The following VPS8 variants were observed in gnomAD, a reference collection of about 807,000 sequenced individuals.
VPS8 encodes the protein VPS8 subunit of CORVET complex, also known as vacuolar protein sorting-associated protein 8 homolog.
Under a neutral mutation model 216.4 loss-of-function variants are expected in VPS8, and 129 were observed. The ratio of observed to expected loss-of-function variants is 0.60; its 90% CI spans 0.52 to 0.69. VPS8 has a LOEUF of 0.69. Ranked by LOEUF, VPS8 falls within the 30% of genes least tolerant of loss-of-function variation. The pLI, the probability that VPS8 is intolerant of heterozygous loss-of-function variation, is 0.00. For missense variants in VPS8, 1,531 were observed against 1,683.5 expected (o/e 0.91, Z 1.59); for synonymous variants, 571 against 565.4 (o/e 1.01, Z -0.14).
intron 38 of VPS8, among the ~76,000 whole-genome samples, chr3:184,964,910 C>T (rs9877701): frequency 0.66 from 100,257 of 152,018 alleles, 33,570 homozygotes; most frequent in Middle Eastern, 0.78. Flanking sequence ...GGTGTACAAA[C>T]GCCTTTGAGT....
At chr3:184,842,592 C>A (rs1041260317) in intron 7 of VPS8, among the ~76,000 whole-genome samples, 1 of 152,122 alleles carries the variant, frequency 6.6e-6, no homozygotes. Flanking sequence ...GCTTGAAAGC[C>A]TGGCAACAAA....
chr3:184,999,614 T>C (rs757173404), intron 44 of VPS8, 82 bp from the exon 45 acceptor site: 4 of 1,446,684 alleles, frequency 2.8e-6, no homozygotes, highest in Non-Finnish European at 3.7e-6. Flanking sequence ...GAGATTTTTA[T>C]TGCTTCTAAG....
At chr3:184,989,944 G>A (rs1420335127) in intron 42 of VPS8, among the ~76,000 whole-genome samples, 14 of 151,986 alleles carry the variant, frequency 9.2e-5, no homozygotes, top group Non-Finnish European at 1.9e-4. Flanking sequence ...ATGGTGGCAG[G>A]CACCTGTAGT....
intron 21 of VPS8, among the ~76,000 whole-genome samples, chr3:184,872,532 A>G (rs1319322463): frequency 2.0e-5 from 3 of 152,060 alleles, no homozygotes; most frequent in Non-Finnish European, 4.4e-5. Flanking sequence ...GTAACCATCT[A>G]GCTTCCTGTT....
At chr3:184,845,755 CAAAAAA>C (rs36003760) in intron 8 of VPS8, among the ~76,000 whole-genome samples, 1 of 80,610 alleles carries the variant, frequency 1.2e-5, no homozygotes. Flanking sequence ...AACTCCGTCT[CAAAAAA>C]AAAAAAAAAA....
chr3:184,904,208 G>A (rs967900866), intron 25 of VPS8, among the ~76,000 whole-genome samples: 5 of 152,008 alleles, frequency 3.3e-5, no homozygotes, highest in Non-Finnish European at 5.9e-5. Flanking sequence ...TTCTAATATA[G>A]ATGCCTTTCT....
chr3:184,838,915 T>C, intron 6 of VPS8, 169 bp downstream of exon 6: 1 of 530,488 alleles, frequency 1.9e-6, no homozygotes, highest in Non-Finnish European at 3.2e-6. Context: ...ATGCTTTCTT[T>C]TTTCCTAATT....
chr3:184,911,001 C>T (rs748172849), intron 25 of VPS8, among the ~76,000 whole-genome samples: 20 of 152,170 alleles, frequency 1.3e-4, no homozygotes, highest in Non-Finnish European at 2.1e-4. Context: ...CTAATAGTAG[C>T]CCTGAACCTA....
intron 4 of VPS8, among the ~76,000 whole-genome samples, chr3:184,833,083 A>G (rs955270815): frequency 8.5e-5 from 13 of 152,274 alleles, no homozygotes; most frequent in South Asian, 4.1e-4. Flanking sequence ...GGAAGCACAG[A>G]TTAAACCTGG....
chr3:184,893,491 T>G (rs2108925651), intron 22 of VPS8: 1 of 512,874 alleles, frequency 1.9e-6, no homozygotes, highest in South Asian at 5.5e-5. Context: ...GGCAATACAA[T>G]TTATAAATGA....
rs1334251161 is a variant in VPS8 at position 184,837,493 on chromosome 3, T to TA, written c.448-1220dup. On this transcript the variant is annotated intron_variant, in intron 5 of 47. Transcript: ENST00000625842. Reference sequence around the variant, plus strand: ...AATCAGTCATTTATTAACTATGTATTACATGCTTCTTAATTGTCGAGCATT... The same window carrying TA: ...AATCAGTCATTTATTAACTATGTATTAACATGCTTCTTAATTGTCGAGCATT... Among the ~76,000 whole-genome samples, 10 of 152,374 alleles carry TA rather than the reference T, an allele frequency of 6.6e-5. No individual in the cohort carries two copies. In the East Asian group the frequency reaches 1.9e-3, roughly 29 times the overall value.
At chr3:184,908,309 C>T (rs1304735459) in intron 25 of VPS8, among the ~76,000 whole-genome samples, 1 of 152,224 alleles carries the variant, frequency 6.6e-6, no homozygotes, top group Non-Finnish European at 1.5e-5. Flanking sequence ...GGTCCTTTGC[C>T]GGACTTGCAG....
rs574412322 is a variant in VPS8, at chr3:184,990,848, C to T, written c.3586-3135C>T. 2.6e-5 allele frequency among the ~76,000 whole-genome samples: 4 copies of T among 151,732 alleles called. No individual in the cohort carries two copies. In the East Asian group the frequency reaches 7.7e-4, roughly 29 times the overall value. On this transcript the variant is annotated intron_variant, in intron 42 of 47. Coordinates refer to ENST00000625842, the MANE Select transcript of VPS8 (RefSeq NM_001009921.3). ...TTAGTTTTTCCAAAAGAAGTGGTCA[C>T]ATGATAAGAGGTTCTCACAGATCTT...
intron 2 of VPS8, among the ~76,000 whole-genome samples, chr3:184,825,943 T>A (rs1445208698): frequency 4.0e-5 from 6 of 151,788 alleles, no homozygotes; most frequent in African/African-American, 1.5e-4. Context: ...GTCAGGATAG[T>A]GCAGTTAGTG....
At chr3:185,014,161 A>T (rs145616582) in intron 45 of VPS8, among the ~76,000 whole-genome samples, 1,648 of 152,322 alleles carry the variant, frequency 0.011, 32 homozygotes, top group African/African-American at 0.038. Context: ...TGTTGAAGGA[A>T]TACTCACGGC....
chr3:185,009,249 G>A (rs1754665459), intron 45 of VPS8, among the ~76,000 whole-genome samples: 1 of 152,022 alleles, frequency 6.6e-6, no homozygotes, highest in Non-Finnish European at 1.5e-5. Flanking sequence ...TATGAGATAA[G>A]GACATAAGAA....
chr3:185,014,622 A>G (rs1755528459), intron 45 of VPS8, among the ~76,000 whole-genome samples: 1 of 152,178 alleles, frequency 6.6e-6, no homozygotes, highest in African/African-American at 2.4e-5. Context: ...TGGCCTTTAG[A>G]CAGGCTCAAA....
chr3:184,859,772 C>T (rs559208774), intron 14 of VPS8, among the ~76,000 whole-genome samples: 3 of 152,122 alleles, frequency 2.0e-5, no homozygotes, highest in African/African-American at 7.2e-5. Flanking sequence ...ACTAGACCAC[C>T]CCCAGATATG....
intron 10 of VPS8, among the ~76,000 whole-genome samples, chr3:184,851,535 G>A (rs552556030): frequency 3.9e-5 from 6 of 151,934 alleles, no homozygotes; most frequent in African/African-American, 4.8e-5. Flanking sequence ...TATAAAGCAC[G>A]TACAAAAGAA....
Sources: allele counts gnomAD v4.1 joint callset (sites outside exome capture counted in the v4.1 genomes callset), GRCh38; gene constraint gnomAD v4.1.1; transcripts MANE v1.5; gene names NCBI Gene and HGNC (gene_info 2026-07-23, HGNC 2026-07-21).